The following FBXO31 variants were observed in gnomAD, a reference collection of about 807,000 sequenced individuals.
The protein encoded by FBXO31 is F-box protein 31.
In FBXO31, 24 loss-of-function variants were observed where a neutral mutation model predicts 54.4. The ratio of observed to expected loss-of-function variants is 0.44; its 90% CI spans 0.32 to 0.62. The LOEUF (loss-of-function observed/expected upper bound fraction) is 0.62. Ranked by LOEUF, FBXO31 falls within the 20% of genes least tolerant of loss-of-function variation. FBXO31 has a pLI of 0.05. For missense variants in FBXO31, 665 were observed against 787.1 expected (o/e 0.84, Z 1.86); for synonymous variants, 388 against 335.6 (o/e 1.16, Z -1.71).
intron 2 of FBXO31, among the ~76,000 whole-genome samples, chr16:87,359,415 G>A (rs1277988656): frequency 1.3e-5 from 2 of 152,150 alleles, no homozygotes; most frequent in African/African-American, 4.8e-5. Context: ...ACACTCCTAT[G>A]GCTGTTACAG....
chr16:87,346,617 A>G lies in FBXO31; in HGVS notation c.489+557T>C, dbSNP rs1008147828. 2.6e-5 allele frequency among the ~76,000 whole-genome samples: 4 copies of G among 152,326 alleles called. No homozygotes were observed. The highest frequency in any genetic ancestry group is 1.9e-4 in the East Asian group (1 of 5,182). On this transcript the variant is annotated intron_variant, in intron 3 of 8. Transcript: ENST00000311635. This position sits in a 1 kb window ranked among gnomAD's most constrained non-coding sequence, Gnocchi z 4.2. ...GAAGGGAAACGGAGACGACTCTGCC[A>G]CCAGCCTGGACTTCCGCCTGCAACG...
At chr16:87,387,387 G>A (rs1416626755), upstream of FBXO31, among the ~76,000 whole-genome samples, 1 of 152,154 alleles carries the variant, frequency 6.6e-6, no homozygotes, top group Non-Finnish European at 1.5e-5. Flanking sequence ...CTATGATGAG[G>A]CTTTACAATA....
At chr16:87,380,305 A>AG (rs1235691584) in intron 1 of FBXO31, among the ~76,000 whole-genome samples, 1 of 151,918 alleles carries the variant, frequency 6.6e-6, no homozygotes, top group East Asian at 1.9e-4. Context: ...TCAAAAAAAA[A>AG]AAAAAAAAAA....
upstream of FBXO31, among the ~76,000 whole-genome samples, chr16:87,385,826 T>C (rs1197942507): frequency 1.3e-5 from 2 of 152,038 alleles, no homozygotes; most frequent in Non-Finnish European, 2.9e-5. Flanking sequence ...CTGGCCAACA[T>C]GGTGAAACCT....
intron 1 of FBXO31, among the ~76,000 whole-genome samples, chr16:87,363,338 C>T (rs1023394505): frequency 2.0e-5 from 3 of 152,194 alleles, no homozygotes; most frequent in Non-Finnish European, 4.4e-5. Context: ...GAGCCAAGAT[C>T]GCACCACTGC....
chr16:87,353,828 A>T (rs990715041), intron 2 of FBXO31, among the ~76,000 whole-genome samples: 1 of 152,188 alleles, frequency 6.6e-6, no homozygotes, highest in Admixed American at 6.5e-5. Flanking sequence ...CCTTGTCTTG[A>T]ACCTCTGGCC....
chr16:87,370,617 T>C (rs750340262), intron 1 of FBXO31, among the ~76,000 whole-genome samples: 12 of 152,104 alleles, frequency 7.9e-5, no homozygotes, highest in Non-Finnish European at 1.3e-4. Context: ...ACCCTGGGCA[T>C]GCAGGCAGGG....
chr16:87,339,471 C>T (rs543688991), intron 5 of FBXO31, among the ~76,000 whole-genome samples: 2 of 152,312 alleles, frequency 1.3e-5, no homozygotes, highest in Admixed American at 6.5e-5. Context: ...AGGTGACAAG[C>T]CCCACAGGAG....
chr16:87,371,223 G>A (rs965155598), intron 1 of FBXO31, among the ~76,000 whole-genome samples: 27 of 152,232 alleles, frequency 1.8e-4, no homozygotes, highest in African/African-American at 5.5e-4. Flanking sequence ...CGTAGCTCCT[G>A]CTCAAACAAT....
chr16:87,391,414 C>A (rs1336724115), upstream of FBXO31, among the ~76,000 whole-genome samples: 1 of 152,220 alleles, frequency 6.6e-6, no homozygotes, highest in Non-Finnish European at 1.5e-5. Flanking sequence ...CACTGCAGCC[C>A]ATTTGGAGTC....
At chr16:87,333,764 C>A in intron 8 of FBXO31, 122 bp downstream of exon 8, 1 of 1,413,006 alleles carries the variant, frequency 7.1e-7, no homozygotes, top group South Asian at 1.4e-5. Context: ...TGTCCCAAAG[C>A]ACCGGCTGCC....
At position 87,335,165 on chromosome 16, in the gene FBXO31, G is replaced by T. The variant is rs1341006372; in HGVS notation, c.996+139C>A. 15 of 1,227,308 alleles carry T rather than the reference G, an allele frequency of 1.2e-5. No individual in the cohort carries two copies. In the East Asian group the frequency reaches 3.5e-4, roughly 29 times the overall value. 76.0% of individuals were successfully genotyped at this position (1,227,308 alleles called of 1,614,324 possible). ...GGGGCCCGAGAATCTGCTTTCCCAA[G>T]CTCCCGGGGCTGCAGGTGCAAGCCC... On this transcript the variant is annotated intron_variant, in intron 7 of 8. Transcript: ENST00000311635. The surrounding 1 kb of genome is among the most constrained non-coding windows in gnomAD (Gnocchi z 5.7).
At chr16:87,351,449 T>C (rs1297920878) in intron 2 of FBXO31, among the ~76,000 whole-genome samples, 1 of 152,168 alleles carries the variant, frequency 6.6e-6, no homozygotes, top group Non-Finnish European at 1.5e-5. Flanking sequence ...CGCACTTCAG[T>C]GCCCCACAAG....
intron 2 of FBXO31, among the ~76,000 whole-genome samples, chr16:87,352,047 CCT>C (rs1905685540): frequency 6.6e-6 from 1 of 152,250 alleles, no homozygotes; most frequent in South Asian, 2.1e-4. Context: ...GTGGGGGGCC[CCT>C]GTCAGGGTTT....
intron 1 of FBXO31, among the ~76,000 whole-genome samples, chr16:87,372,719 C>T (rs1906654409): frequency 6.6e-6 from 1 of 150,962 alleles, no homozygotes; most frequent in African/African-American, 2.5e-5. Flanking sequence ...TGCCACCACA[C>T]CTGGTTAATT....
rs1904859077 is a variant in FBXO31, at chr16:87,331,521, A to G, written c.1398-11T>C. 1 of 1,587,560 alleles carries G rather than the reference A, an allele frequency of 6.3e-7. No individual in the cohort carries two copies. The highest frequency in any genetic ancestry group is 2.3e-5 in the East Asian group (1 of 44,084). On this transcript the variant is annotated splice_polypyrimidine_tract_variant and intron_variant, in intron 8 of 8. Transcript: ENST00000311635. ...CCTGTGCCATAAAAACTGAGCAGAA[A>G]CAAGAGGGAAACTGTGAGCTGGGGG... is the stretch of plus-strand genomic sequence containing the variant.
At position 87,357,701 on chromosome 16, in the gene FBXO31, C is replaced by T. The variant is rs150209005; in HGVS notation, c.412+2594G>A. 3.7e-4 allele frequency among the ~76,000 whole-genome samples: 57 copies of T among 152,196 alleles called. 1 individual carries two copies. In the Middle Eastern group the frequency reaches 0.02, roughly 54 times the overall value. Reference sequence around the variant, plus strand: ...ACCTCATGCCTGTAATCCCAGAACTCTGGGAGGCCGAGATGGGCAGATCAC... The same window carrying T: ...ACCTCATGCCTGTAATCCCAGAACTTTGGGAGGCCGAGATGGGCAGATCAC... On this transcript the variant is annotated intron_variant, in intron 2 of 8. Coordinates refer to ENST00000311635, the MANE Select transcript of FBXO31 (RefSeq NM_024735.5).
intron 1 of FBXO31, among the ~76,000 whole-genome samples, chr16:87,374,638 C>T (rs1906744848): frequency 3.3e-5 from 5 of 152,170 alleles, no homozygotes; most frequent in Admixed American, 6.5e-5. Context: ...TAGTATTCCA[C>T]GTAACATTAA....
chr16:87,355,419 C>A (rs1226316962), intron 2 of FBXO31, among the ~76,000 whole-genome samples: 1 of 152,194 alleles, frequency 6.6e-6, no homozygotes, highest in African/African-American at 2.4e-5. Flanking sequence ...ATACTGAAAA[C>A]CCACACATCA....
Sources: gnomAD v4.1 joint callset for allele counts (sites outside exome capture counted in the v4.1 genomes callset) on GRCh38, gnomAD v4.1.1 for gene constraint, Gnocchi (gnomAD v3.1) non-coding constraint, MANE v1.5 for transcripts, NCBI Gene and HGNC (gene_info 2026-07-23, HGNC 2026-07-21) for gene names.